YTHDF1: variants seen among roughly 807,000 people sequenced by gnomAD.
YTHDF1 encodes YTH domain-containing family protein 1.
In YTHDF1, 16 loss-of-function variants were observed where a neutral mutation model predicts 49.1. The observed-to-expected ratio is 0.33, with a 90% CI of 0.22 to 0.49. The LOEUF is 0.49. Among genes scored for constraint, YTHDF1 ranks in the 20% least tolerant of loss-of-function variants. The pLI, the probability that YTHDF1 is intolerant of heterozygous loss-of-function variation, is 0.99. For missense variants in YTHDF1, 621 were observed against 744.3 expected, an observed-to-expected ratio of 0.83 and a Z score of 1.93; for synonymous variants, 313 against 290.1, an observed-to-expected ratio of 1.08 and a Z score of -0.80.
rs759530671 is a variant in YTHDF1 at position 63,215,563 on chromosome 20, G to A, written c.52+14C>T. ...CACTCCAGCCCGCGCCGGCCGTCCC[G>A]GGACTCCGCTCACCTTTATTATCTT... is the stretch of plus-strand genomic sequence containing the variant. On this transcript the variant is annotated intron_variant, in intron 2 of 4. Transcript: ENST00000370339. 2.5e-6 allele frequency: 4 copies of A among 1,613,268 alleles called. No individual in the cohort carries two copies. Among genetic ancestry groups the A allele is most frequent in the East Asian group, 4.5e-5 (2 of 44,758 alleles).
At chr20:63,207,765 G>C (rs1235441704) in intron 3 of YTHDF1, among the ~76,000 whole-genome samples, 1 of 152,058 alleles carries the variant, frequency 6.6e-6, no homozygotes, top group South Asian at 2.1e-4. Flanking sequence ...CCAGCACTTT[G>C]GGAGGCCGAG....
intron 3 of YTHDF1, among the ~76,000 whole-genome samples, chr20:63,212,295 T>G (rs1423678732): frequency 6.6e-6 from 1 of 152,222 alleles, no homozygotes; most frequent in African/African-American, 2.4e-5. Flanking sequence ...TTTCTTGGTC[T>G]CTAAGCTGCT....
chr20:63,200,514 C>T (rs1430064130), intron 4 of YTHDF1, among the ~76,000 whole-genome samples: 1 of 152,188 alleles, frequency 6.6e-6, no homozygotes, highest in Non-Finnish European at 1.5e-5. Flanking sequence ...AAGTTCCTTC[C>T]AATGATGCTC....
rs1459911086 is a variant in YTHDF1, at chr20:63,202,403, A to G, written c.1537T>C (p.Leu513=). The G allele has an allele frequency of 1.2e-6, 2 of 1,614,114 alleles. No individual in the cohort carries two copies. Among genetic ancestry groups the G allele is most frequent in the African/African-American group, 2.7e-5 (2 of 74,928 alleles). ...TNSRDTQEVP[L]EKAKQVLKII... is the part of the protein sequence containing the mutation. ...TTCAGCACTTGCTTGGCTTTTTCTA[A>G]GGGCACCTCCTGGGTGTCCCGGGAG... Residue 513 remains leucine, a synonymous_variant, in exon 4 of 5, where the codon TTA becomes CTA. Transcript: ENST00000370339.
In YTHDF1 at chr20:63,203,343, G is replaced by A. The variant is rs6122103; in HGVS notation, c.597C>T (p.Ala199=). The change falls in exon 4 of 5, where the codon GCC becomes GCT. Residue 199 remains alanine (A), a synonymous_variant. Coordinates refer to ENST00000370339, the MANE Select transcript of YTHDF1 (RefSeq NM_017798.4). The surrounding 1 kb of genome is among the most constrained non-coding windows in gnomAD (Gnocchi z 4.4). ...GLKIGDVSSS[A]VKTVGSVVSS... ...TGACGACAGAGCCCACCGTCTTGAC[G>A]GCGGAGGAGCTGACGTCCCCAATCT... 0.31 allele frequency: 495,795 copies of A among 1,612,664 alleles called. 77,351 individuals carry two copies. Among genetic ancestry groups the A allele is most frequent in the Middle Eastern group, 0.42 (2,573 of 6,062 alleles).
chr20:63,199,411 C>T (rs372168984), intron 4 of YTHDF1, among the ~76,000 whole-genome samples: 3 of 151,758 alleles, frequency 2.0e-5, no homozygotes, highest in South Asian at 2.1e-4. Context: ...CCCAGCTACC[C>T]GGGAGGCTGA....
rs1278472406 is a variant in YTHDF1, at chr20:63,205,508, A to AC, written c.133-1702dup. Among the ~76,000 whole-genome samples, 340 of 135,588 alleles carry AC rather than the reference A, an allele frequency of 2.5e-3. 4 individuals carry two copies. The highest frequency in any genetic ancestry group is 3.8e-3 in the Non-Finnish European group (233 of 62,020). The allele number at this position is 135,588 out of a possible 152,430, so 89.0% of individuals were successfully genotyped here. On this transcript the variant is annotated intron_variant, in intron 3 of 4. Transcript: ENST00000370339. ...CCACTTGTGAGCAGACAATTCCAGAACCCCCCCCTTTTTTTTTTGGGACGA... is the reference window on the plus strand; with the variant it reads ...CCACTTGTGAGCAGACAATTCCAGAACCCCCCCCCTTTTTTTTTTGGGACGA...
intron 1 of YTHDF1, 29 bp downstream of exon 1, chr20:63,215,837 C>G: frequency 1.4e-6 from 2 of 1,456,160 alleles, no homozygotes; most frequent in Non-Finnish European, 1.8e-6. Flanking sequence ...TCGGCCCCGG[C>G]CGCGGCCCCT....
chr20:63,203,618 G>A lies in YTHDF1; in HGVS notation c.322C>T (p.Pro108Ser). The change falls in exon 4 of 5, where the codon CCT (proline) becomes TCT (serine). Residue 108 changes from proline to serine, a missense_variant. By Grantham distance (74) the Pro-to-Ser change is moderately conservative. Around this residue, in one of 2 missense-constraint regions of YTHDF1, gnomAD observed 470 missense variants for 495.8 expected, o/e 0.95. Coordinates refer to ENST00000370339, the MANE Select transcript of YTHDF1 (RefSeq NM_017798.4). This position sits in a 1 kb window ranked among gnomAD's most constrained non-coding sequence, Gnocchi z 4.4. Reference protein sequence around the residue: ...HFMHDAVFGQPGGLGNNIYQH... With the variant: ...HFMHDAVFGQSGGLGNNIYQH... ...TAGATGTTGTTCCCCAGGCCCCCAGGCTGCCCAAAAACAGCATCGTGCATA... is the reference window on the plus strand; with the variant it reads ...TAGATGTTGTTCCCCAGGCCCCCAGACTGCCCAAAAACAGCATCGTGCATA... 2 of 1,614,134 alleles carry A rather than the reference G, an allele frequency of 1.2e-6. No homozygotes were observed. The highest frequency in any genetic ancestry group is 1.6e-4 in the Middle Eastern group (1 of 6,062).
intron 3 of YTHDF1, among the ~76,000 whole-genome samples, chr20:63,206,026 G>A (rs562587404): frequency 7.3e-5 from 11 of 150,890 alleles, no homozygotes; most frequent in African/African-American, 2.4e-4. Flanking sequence ...GACTGGGGGG[G>A]TGAGCGAATC....
In YTHDF1 at chr20:63,202,803, C is replaced by T. The variant is rs762159571; in HGVS notation, c.1137G>A (p.Pro379=). Reference sequence around the variant, plus strand: ...TTTTCAGATTCCACTCAAACTCTTTCGGGTTGTAGCTGTGAGCAGCCTTCA... The same window carrying T: ...TTTTCAGATTCCACTCAAACTCTTTTGGGTTGTAGCTGTGAGCAGCCTTCA... The part of the protein sequence containing the change: ...EKLKAAHSYN[P]KEFEWNLKSG... The change falls in exon 4 of 5, where the codon CCG becomes CCA. Residue 379 remains proline, a synonymous_variant. Transcript: ENST00000370339. 22 of 1,613,950 alleles carry T rather than the reference C, an allele frequency of 1.4e-5. No individual in the cohort carries two copies. Among genetic ancestry groups the T allele is most frequent in the East Asian group, 2.2e-5 (1 of 44,904 alleles).
intron 3 of YTHDF1, among the ~76,000 whole-genome samples, chr20:63,205,056 G>A (rs184723616): frequency 5.3e-5 from 8 of 152,046 alleles, no homozygotes; most frequent in East Asian, 1.9e-4. Flanking sequence ...AGTCTGTGAC[G>A]CCCGTTTTTG....
chr20:63,200,781 A>G (rs2066513708), intron 4 of YTHDF1, among the ~76,000 whole-genome samples: 1 of 152,248 alleles, frequency 6.6e-6, no homozygotes, highest in Non-Finnish European at 1.5e-5. Flanking sequence ...TTTAAGAAGA[A>G]AAACTGTGCG....
At chr20:63,198,802 C>T (rs985733772) in intron 4 of YTHDF1, among the ~76,000 whole-genome samples, 2 of 152,220 alleles carry the variant, frequency 1.3e-5, no homozygotes, top group Admixed American at 6.5e-5. Flanking sequence ...AGGTCAGGGG[C>T]ACCTGCCGCC....
chr20:63,212,811 GA>G (rs2066581467), intron 3 of YTHDF1, among the ~76,000 whole-genome samples: 1 of 152,158 alleles, frequency 6.6e-6, no homozygotes, highest in Non-Finnish European at 1.5e-5. Context: ...TGGGGAGAAG[GA>G]GTTGCTAATG....
At chr20:63,210,288 A>G (rs1343007371) in intron 3 of YTHDF1, among the ~76,000 whole-genome samples, 1 of 152,212 alleles carries the variant, frequency 6.6e-6, no homozygotes, top group Admixed American at 6.5e-5. Flanking sequence ...GTGGGATCAC[A>G]GCAAACACAC....
intron 4 of YTHDF1, among the ~76,000 whole-genome samples, chr20:63,200,980 G>C (rs2066514549): frequency 6.6e-6 from 1 of 151,920 alleles, no homozygotes; most frequent in Non-Finnish European, 1.5e-5. Flanking sequence ...AGGAGGTGGA[G>C]GTTGCAGTGA....
Position 63,203,871 on chromosome 20 carries a change from G to C in YTHDF1, c.133-64C>G. Reference sequence around the variant, plus strand: ...ACACGAGATGCTGAGAATGCCAACCGCCTCTTGCTTAAGCACAGGTGGAGC... The same window carrying C: ...ACACGAGATGCTGAGAATGCCAACCCCCTCTTGCTTAAGCACAGGTGGAGC... On this transcript the variant is annotated intron_variant, in intron 3 of 4. Transcript: ENST00000370339. This position sits in a 1 kb window ranked among gnomAD's most constrained non-coding sequence, Gnocchi z 4.4. 6.8e-7 allele frequency: 1 copy of C among 1,477,048 alleles called. No individual in the cohort carries two copies. The highest frequency in any genetic ancestry group is 9.1e-7 in the Non-Finnish European group (1 of 1,096,708). The allele number at this position is 1,477,048 out of a possible 1,614,324, so 91.5% of individuals were successfully genotyped here.
Position 63,203,795 on chromosome 20 carries a change from G to A in YTHDF1, c.145C>T (p.Pro49Ser), listed in dbSNP as rs757106222. ...TGQSNQSNSYPSMSDPYLSSY... is the reference protein window; with the variant it reads ...TGQSNQSNSYSSMSDPYLSSY... ...GACAGGTAGGGGTCGCTCATTGAGG[G>A]GTAACTGTTACTCTGCAAAAGCAAA... is the stretch of plus-strand genomic sequence containing the variant. The change falls in exon 4 of 5, where the codon CCC (proline) becomes TCC (serine). Residue 49 changes from proline (P) to serine (S), a missense_variant. This residue lies in a region of YTHDF1 where 470 missense variants were observed against 495.8 expected (regional missense o/e 0.95). Coordinates refer to ENST00000370339, the MANE Select transcript of YTHDF1 (RefSeq NM_017798.4). The surrounding 1 kb of genome is among the most constrained non-coding windows in gnomAD (Gnocchi z 4.4). The A allele has an allele frequency of 4.4e-6, 7 of 1,600,808 alleles. No homozygotes were observed. The East Asian group carries it at 9.0e-5, about 21-fold the overall frequency.
Sources: gnomAD v4.1 joint callset for allele counts (sites outside exome capture counted in the v4.1 genomes callset) on GRCh38, gnomAD v4.1.1 for gene constraint, gnomAD v4.1.1 regional missense constraint, Gnocchi (gnomAD v3.1) non-coding constraint, MANE v1.5 for transcripts, NCBI Gene and HGNC (gene_info 2026-07-23, HGNC 2026-07-21) for gene names.